Variants in LRP1B observed in about 807,000 individuals in gnomAD.
LRP1B encodes low-density lipoprotein receptor-related protein 1B.
A neutral mutation model predicts 556.6 loss-of-function variants in LRP1B; 217 were observed. That is an observed-to-expected ratio of 0.39 (90% confidence interval 0.35 to 0.44). The LOEUF (loss-of-function observed/expected upper bound fraction) is 0.44. Among genes scored for constraint, LRP1B ranks in the 20% least tolerant of loss-of-function variants. The pLI is 1.00. For missense variants in LRP1B, 5,053 were observed against 5,620.8 expected, an observed-to-expected ratio of 0.90 and a Z score of 3.23; for synonymous variants, 2,047 against 1,865.8, an observed-to-expected ratio of 1.10 and a Z score of -2.50.
intron 9 of LRP1B, 48 bp downstream of exon 9, chr2:141,058,835 C>G (rs1406093554): frequency 6.8e-7 from 1 of 1,465,006 alleles, no homozygotes; most frequent in East Asian, 2.4e-5. Flanking sequence ...GACTATATCC[C>G]CATTCAATCT....
chr2:140,934,513 A>T (rs918796770), intron 20 of LRP1B, among the ~76,000 whole-genome samples: 1 of 152,152 alleles, frequency 6.6e-6, no homozygotes, highest in African/African-American at 2.4e-5. Flanking sequence ...GGTAAGCCTT[A>T]GATGGTAAAT....
chr2:141,139,800 TGTGTGTGTG>T (rs1701595585), intron 7 of LRP1B, among the ~76,000 whole-genome samples: 1 of 151,502 alleles, frequency 6.6e-6, no homozygotes, highest in African/African-American at 2.4e-5. Context: ...TGTGTGTGTG[TGTGTGTGTG>T]TGTGTGTGTG....
intron 31 of LRP1B, among the ~76,000 whole-genome samples, chr2:140,820,184 T>G (rs1341722602): frequency 6.6e-6 from 1 of 152,158 alleles, no homozygotes; most frequent in Non-Finnish European, 1.5e-5. Flanking sequence ...TTTGCCACAT[T>G]GGCCAGGCTA....
At chr2:140,571,311 C>G (rs1681313114) in intron 43 of LRP1B, among the ~76,000 whole-genome samples, 1 of 151,598 alleles carries the variant, frequency 6.6e-6, no homozygotes, top group Admixed American at 6.6e-5. Flanking sequence ...ATTTAGTAAT[C>G]TTGAAGAATA....
intron 7 of LRP1B, among the ~76,000 whole-genome samples, chr2:141,085,362 T>C (rs1317752926): frequency 1.3e-5 from 2 of 152,182 alleles, no homozygotes; most frequent in African/African-American, 2.4e-5. Flanking sequence ...TACCTCAGAA[T>C]GTGACTGTAT....
intron 66 of LRP1B, among the ~76,000 whole-genome samples, chr2:140,425,254 T>C (rs962488223): frequency 6.6e-6 from 1 of 152,202 alleles, no homozygotes; most frequent in African/African-American, 2.4e-5. Flanking sequence ...ATTTTTCTGA[T>C]AAAAATTACC....
intron 84 of LRP1B, among the ~76,000 whole-genome samples, chr2:140,277,661 A>G (rs1682736139): frequency 6.6e-6 from 1 of 151,898 alleles, no homozygotes; most frequent in Non-Finnish European, 1.5e-5. Context: ...GAGCGCCTGT[A>G]CATAACTCAC....
intron 81 of LRP1B, among the ~76,000 whole-genome samples, chr2:140,322,940 G>T (rs1022147196): frequency 1.3e-5 from 2 of 151,882 alleles, no homozygotes; most frequent in African/African-American, 4.8e-5. Flanking sequence ...GAGAGAAACT[G>T]TCCTCATATT....
chr2:140,243,582 C>A (rs1681038980), intron 87 of LRP1B, among the ~76,000 whole-genome samples: 1 of 151,132 alleles, frequency 6.6e-6, no homozygotes, highest in Admixed American at 6.6e-5. Flanking sequence ...AAATTAGCAT[C>A]CTTTCTCTTA....
chr2:141,942,408 C>G (rs1700835916), intron 1 of LRP1B, among the ~76,000 whole-genome samples: 1 of 151,802 alleles, frequency 6.6e-6, no homozygotes, highest in Non-Finnish European at 1.5e-5. Context: ...TTCTTGGTTG[C>G]CAATAATTGC....
chr2:141,647,829 A>T, intron 2 of LRP1B, among the ~76,000 whole-genome samples: 1 of 151,950 alleles, frequency 6.6e-6, no homozygotes. Context: ...AAATTAAGAA[A>T]ATTTTAATTG....
chr2:141,602,782 A>G (rs1687794639), intron 2 of LRP1B, among the ~76,000 whole-genome samples: 2 of 152,160 alleles, frequency 1.3e-5, no homozygotes, highest in South Asian at 2.1e-4. Context: ...ACTTTAAAAG[A>G]TAATTTTTGC....
chr2:141,996,225 AAAAC>A (rs140930268), intron 1 of LRP1B, among the ~76,000 whole-genome samples: 31,522 of 123,902 alleles, frequency 0.25, 3,863 homozygotes, highest in East Asian at 0.37. Context: ...AAAAAAAAAA[AAAAC>A]GTTATAAGTG....
chr2:140,436,502 T>G (rs558851547), intron 66 of LRP1B, among the ~76,000 whole-genome samples: 1 of 152,284 alleles, frequency 6.6e-6, no homozygotes, highest in Admixed American at 6.5e-5. Flanking sequence ...TAACTGTTAT[T>G]TTACAATTCA....
At chr2:140,780,638 G>T (rs1177870137) in intron 32 of LRP1B, among the ~76,000 whole-genome samples, 3 of 152,136 alleles carry the variant, frequency 2.0e-5, no homozygotes. Context: ...AGAGAGCCGT[G>T]GGGGTAGATG....
At chr2:141,850,088 C>A (rs558783521) in intron 1 of LRP1B, among the ~76,000 whole-genome samples, 94 of 151,844 alleles carry the variant, frequency 6.2e-4, no homozygotes, top group African/African-American at 2.2e-3. Flanking sequence ...TTACCTGACA[C>A]CCAAACTGAA....
intron 2 of LRP1B, among the ~76,000 whole-genome samples, chr2:141,642,108 A>T (rs1463340234): frequency 6.6e-6 from 1 of 152,184 alleles, no homozygotes; most frequent in Non-Finnish European, 1.5e-5. Context: ...GCTCATTTTT[A>T]AAAATATGCA....
chr2:140,253,163 C>T (rs1681528838), intron 86 of LRP1B, among the ~76,000 whole-genome samples: 1 of 151,868 alleles, frequency 6.6e-6, no homozygotes, highest in Admixed American at 6.6e-5. Context: ...CACTAAAATG[C>T]CTAGTTTTAA....
At chr2:140,586,932 T>A (rs1397210135) in intron 43 of LRP1B, among the ~76,000 whole-genome samples, 1 of 151,188 alleles carries the variant, frequency 6.6e-6, no homozygotes, top group Admixed American at 6.6e-5. Context: ...TGAAAAAGAT[T>A]TAAAAGTAGC....
Sources: gnomAD v4.1 joint callset for allele counts (sites outside exome capture counted in the v4.1 genomes callset) on GRCh38, gnomAD v4.1.1 for gene constraint, MANE v1.5 for transcripts, NCBI Gene and HGNC (gene_info 2026-07-23, HGNC 2026-07-21) for gene names.